Variants in ITGAE observed in about 807,000 individuals in gnomAD.
The protein encoded by ITGAE is integrin subunit alpha E.
In ITGAE, 99 loss-of-function variants were observed where a neutral mutation model predicts 136.5. The observed-to-expected ratio is 0.73, with a 90% CI of 0.62 to 0.86. The LOEUF (loss-of-function observed/expected upper bound fraction) is 0.86. Ranked by LOEUF, ITGAE falls within the 40% of genes least tolerant of loss-of-function variation. The pLI, the probability that ITGAE is intolerant of heterozygous loss-of-function variation, is 0.00. For missense variants in ITGAE, 1,447 were observed against 1,515.3 expected (o/e 0.95, Z 0.75); for synonymous variants, 613 against 591.8 (o/e 1.04, Z -0.52).
chr17:3,714,874 T>C lies in ITGAE; in HGVS notation c.3513A>G (p.Ser1171=). ...AATTCTCTTCTTCGAGCAGATTCTC[T>C]GATTTCAGCTGGGCCTTCCTGATGC... The part of the protein sequence containing the change: ...LESIRKAQLK[S]ENLLEEEN The change falls in exon 31 of 31, where the codon TCA becomes TCG. Residue 1171 remains serine, a synonymous_variant. Coordinates refer to ENST00000263087, the MANE Select transcript of ITGAE (RefSeq NM_002208.5). 6.2e-7 allele frequency: 1 copy of C among 1,610,704 alleles called. No individual in the cohort carries two copies. Among genetic ancestry groups the C allele is most frequent in the South Asian group, 1.1e-5 (1 of 90,990 alleles).
At chr17:3,797,175 T>G (rs1463091800) in intron 1 of ITGAE, among the ~76,000 whole-genome samples, 1 of 128,636 alleles carries the variant, frequency 7.8e-6, no homozygotes, top group African/African-American at 2.8e-5. Flanking sequence ...TTTTTTTTTT[T>G]TTTTTTTTGA....
At chr17:3,783,756 C>T (rs1020876112) in intron 1 of ITGAE, among the ~76,000 whole-genome samples, 2 of 152,106 alleles carry the variant, frequency 1.3e-5, no homozygotes, top group Non-Finnish European at 2.9e-5. Flanking sequence ...ACGACACTAG[C>T]TTCTGTATAA....
At position 3,729,553 on chromosome 17, in the gene ITGAE, G is replaced by A. The variant is rs2051294841; in HGVS notation, c.2837C>T (p.Ser946Phe). ...GTTGGCCAAAGACCGTCTTTCATTG[G>A]AACTAGGAATAAGAGTGTTAGTTCA... ...TADITVTVTNSNERRSLANET... is the reference protein window; with the variant it reads ...TADITVTVTNFNERRSLANET... The change falls in exon 24 of 31, where the codon TCC (serine) becomes TTC (phenylalanine). Residue 946 changes from serine (S) to phenylalanine (F), a missense_variant and splice_region_variant. Around this residue, in one of 3 missense-constraint regions of ITGAE, gnomAD observed 1,031 missense variants for 1,011.4 expected, o/e 1.02. Transcript: ENST00000263087. 1.9e-6 allele frequency: 3 copies of A among 1,582,648 alleles called. No individual in the cohort carries two copies. In the East Asian group the frequency reaches 6.7e-5, roughly 35 times the overall value.
intron 1 of ITGAE, among the ~76,000 whole-genome samples, chr17:3,788,456 A>ATT (rs71155804): frequency 0.27 from 27,961 of 102,736 alleles, 4,662 homozygotes; most frequent in Non-Finnish European, 0.39. Context: ...GACCTGACTA[A>ATT]TTTTTTTTTT....
intron 1 of ITGAE, among the ~76,000 whole-genome samples, chr17:3,794,838 TC>T (rs1256176163): frequency 6.6e-6 from 1 of 151,754 alleles, no homozygotes; most frequent in Admixed American, 6.6e-5. Context: ...GGGGCCTTCT[TC>T]CCCCCGTTTC....
chr17:3,784,132 C>A (rs1028341554), intron 1 of ITGAE, among the ~76,000 whole-genome samples: 45 of 151,938 alleles, frequency 3.0e-4, no homozygotes, highest in Middle Eastern at 6.8e-3. Flanking sequence ...TGGTGGCGGG[C>A]GCCTGTAGTC....
rs367724195 is a variant in ITGAE at position 3,787,312 on chromosome 17, A to G, written c.35-9652T>C. Among the ~76,000 whole-genome samples, 191 of 152,114 alleles carry G rather than the reference A, an allele frequency of 1.3e-3. 2 individuals are homozygous for G. Among genetic ancestry groups the G allele is most frequent in the African/African-American group, 4.4e-3 (183 of 41,488 alleles). ...TTTTTATTAGAGACAGGGTTTCCCC[A>G]TGTTGGCCAGGCTGGTCTTGAACTC... On this transcript the variant is annotated intron_variant, in intron 1 of 30. Transcript: ENST00000263087.
Position 3,755,280 on chromosome 17 carries a change from G to C in ITGAE, c.1240-19C>G, listed in dbSNP as rs2051993988. 6.5e-7 allele frequency: 1 copy of C among 1,548,102 alleles called. No homozygotes were observed. The highest frequency in any genetic ancestry group is 8.7e-7 in the Non-Finnish European group (1 of 1,152,452). ...CCTGCCGCTGAAGGGGACGGGGATG[G>C]GGCCCAGATGAGTGGGAGGGACCCA... is the stretch of plus-strand genomic sequence containing the variant. On this transcript the variant is annotated intron_variant, in intron 11 of 30. Transcript: ENST00000263087.
intron 19 of ITGAE, among the ~76,000 whole-genome samples, chr17:3,742,456 GTT>G (rs568033494): frequency 2.2e-5 from 3 of 134,158 alleles, no homozygotes; most frequent in Admixed American, 1.5e-4. Context: ...AAGGTTTGTG[GTT>G]TTTTTTTTTT....
Position 3,745,632 on chromosome 17 carries a change from G to A in ITGAE, c.2319+132C>T, listed in dbSNP as rs139525902. Reference sequence around the variant, plus strand: ...GCTGGGATGACAGGCGTGAGCCACCGTGCCTGGCCTGTTATGATTATTTTA... The same window carrying A: ...GCTGGGATGACAGGCGTGAGCCACCATGCCTGGCCTGTTATGATTATTTTA... On this transcript the variant is annotated intron_variant, in intron 18 of 30. Coordinates refer to ENST00000263087, the MANE Select transcript of ITGAE (RefSeq NM_002208.5). The A allele has an allele frequency of 2.8e-3, 2,545 of 909,310 alleles. 8 individuals carry two copies. Among genetic ancestry groups the A allele is most frequent in the South Asian group, 5.2e-3 (303 of 58,018 alleles). 56.3% of individuals were successfully genotyped at this position (909,310 alleles called of 1,614,324 possible).
At position 3,780,013 on chromosome 17, in the gene ITGAE, G is replaced by A. The variant is rs527685567; in HGVS notation, c.35-2353C>T. On this transcript the variant is annotated intron_variant, in intron 1 of 30. Coordinates refer to ENST00000263087, the MANE Select transcript of ITGAE (RefSeq NM_002208.5). ...TTTAAGATGGAGTTTCGCTCTTGTT[G>A]CCCAGGCTGGAGTGCAGTGGCACGA... Among the ~76,000 whole-genome samples, 805 of 152,226 alleles carry A rather than the reference G, an allele frequency of 5.3e-3. 4 individuals are homozygous for A. Among genetic ancestry groups the A allele is most frequent in the Non-Finnish European group, 8.0e-3 (542 of 68,004 alleles).
intron 30 of ITGAE, among the ~76,000 whole-genome samples, chr17:3,716,328 G>C (rs4790536): frequency 0.47 from 71,625 of 151,988 alleles, 17,764 homozygotes; most frequent in East Asian, 0.65. Flanking sequence ...TCTGTTTTAA[G>C]GCCTTACCGT....
chr17:3,794,398 G>A (rs2053014002), intron 1 of ITGAE, among the ~76,000 whole-genome samples: 1 of 152,134 alleles, frequency 6.6e-6, no homozygotes, highest in Non-Finnish European at 1.5e-5. Flanking sequence ...GGGATTACAG[G>A]AGTGAGCCAC....
chr17:3,781,585 G>T (rs1597363336), intron 1 of ITGAE, among the ~76,000 whole-genome samples: 1 of 152,260 alleles, frequency 6.6e-6, no homozygotes, highest in East Asian at 1.9e-4. Flanking sequence ...TTGAACTCCT[G>T]ACCTCAGGTG....
chr17:3,772,505 C>A (rs2052449851), intron 2 of ITGAE, among the ~76,000 whole-genome samples: 1 of 148,454 alleles, frequency 6.7e-6, no homozygotes, highest in Non-Finnish European at 1.5e-5. Flanking sequence ...TCACTGTCGC[C>A]CAGGCTGGAG....
chr17:3,719,191 G>A (rs1381450689), intron 29 of ITGAE, among the ~76,000 whole-genome samples: 1 of 136,018 alleles, frequency 7.4e-6, no homozygotes, highest in Non-Finnish European at 1.5e-5. Flanking sequence ...AGCCGAGATG[G>A]CACCAACGGA....
At chr17:3,754,869 G>GC (rs1349551264) in intron 12 of ITGAE, among the ~76,000 whole-genome samples, 33 of 134,376 alleles carry the variant, frequency 2.5e-4, no homozygotes, top group African/African-American at 3.5e-4. Flanking sequence ...CTCCCAGGTA[G>GC]CCCCCAGGCC....
At chr17:3,747,822 C>A in intron 17 of ITGAE, 100 bp downstream of exon 17, 1 of 316,522 alleles carries the variant, frequency 3.2e-6, no homozygotes. Flanking sequence ...AGACCAACAC[C>A]CACCCACCCC....
intron 2 of ITGAE, among the ~76,000 whole-genome samples, chr17:3,768,867 C>A (rs2052357234): frequency 6.6e-6 from 1 of 152,288 alleles, no homozygotes; most frequent in African/African-American, 2.4e-5. Context: ...TGGCACAGAA[C>A]AAGGGCTCAG....
Sources: allele counts gnomAD v4.1 joint callset (sites outside exome capture counted in the v4.1 genomes callset), GRCh38; gene constraint gnomAD v4.1.1; regional missense constraint gnomAD v4.1.1; transcripts MANE v1.5; gene names NCBI Gene and HGNC (gene_info 2026-07-23, HGNC 2026-07-21).